The following ZNF140 variants were observed in gnomAD, a reference collection of about 807,000 sequenced individuals.
The protein encoded by ZNF140 is zinc finger protein 140, also known as zinc finger protein 140 (clone pHZ-39).
In ZNF140, 13 loss-of-function variants were observed where a neutral mutation model predicts 12.9. The observed-to-expected ratio is 1.01, with a 90% confidence interval of 0.66 to 1.60. The LOEUF is 1.60. Among genes scored for constraint, ZNF140 ranks in the 40% most tolerant of loss-of-function variants. ZNF140 has a pLI of 0.00. For synonymous variants in ZNF140, 214 were observed against 186.7 expected (o/e 1.15, Z -1.19); for missense variants, 531 against 548.8 (o/e 0.97, Z 0.32).
chr12:133,083,417 C>CT, intron 3 of ZNF140, 49 bp from the exon 4 acceptor site: 1 of 1,587,398 alleles, frequency 6.3e-7, no homozygotes, highest in East Asian at 2.2e-5. Flanking sequence ...TGTGGCCCCT[C>CT]TTAGGATTCA....
chr12:133,096,368 C>T (rs1383525054), intron 4 of ZNF140, among the ~76,000 whole-genome samples: 6 of 152,170 alleles, frequency 3.9e-5, no homozygotes, highest in Non-Finnish European at 5.9e-5. Flanking sequence ...TTAACAACAT[C>T]TCAGCAAAGC....
At chr12:133,104,120 T>C (rs1238699782) in intron 4 of ZNF140, among the ~76,000 whole-genome samples, 2 of 152,206 alleles carry the variant, frequency 1.3e-5, no homozygotes, top group Non-Finnish European at 2.9e-5. Context: ...CAACGTATGT[T>C]TGACTGAAAT....
chr12:133,090,460 ATTTCT>A (rs1425787839), intron 4 of ZNF140, among the ~76,000 whole-genome samples: 8 of 152,024 alleles, frequency 5.3e-5, no homozygotes, highest in Admixed American at 1.3e-4. Flanking sequence ...TCTGATTTTT[ATTTCT>A]TTTCTTCTTC....
At chr12:133,092,959 T>C (rs1244469453) in intron 4 of ZNF140, among the ~76,000 whole-genome samples, 2 of 151,176 alleles carry the variant, frequency 1.3e-5, no homozygotes, top group South Asian at 2.1e-4. Context: ...ATTTTAATGA[T>C]CTTTGATAGG....
At chr12:133,090,940 C>T (rs888612701) in intron 4 of ZNF140, among the ~76,000 whole-genome samples, 1 of 145,594 alleles carries the variant, frequency 6.9e-6, no homozygotes, top group Non-Finnish European at 1.5e-5. Flanking sequence ...AAACATATCT[C>T]GCCTCCCACC....
At chr12:133,095,835 G>C (rs1211275512) in intron 4 of ZNF140, among the ~76,000 whole-genome samples, 5 of 151,966 alleles carry the variant, frequency 3.3e-5, no homozygotes, top group Non-Finnish European at 7.4e-5. Flanking sequence ...CATCTCAGCG[G>C]AGTAAAGAAT....
intron 4 of ZNF140, among the ~76,000 whole-genome samples, chr12:133,090,936 A>C (rs142773158): frequency 7.0e-6 from 1 of 142,428 alleles, no homozygotes; most frequent in Non-Finnish European, 1.6e-5. Flanking sequence ...CTGCAAACAT[A>C]TCTCGCCTCC....
At chr12:133,095,572 C>G (rs1042490191) in intron 4 of ZNF140, among the ~76,000 whole-genome samples, 22 of 151,650 alleles carry the variant, frequency 1.5e-4, no homozygotes, top group Non-Finnish European at 2.8e-4. Flanking sequence ...TATAGAGAAA[C>G]AACAGTGGGC....
Position 133,081,317 on chromosome 12 carries a change from AG to A in ZNF140, c.-3del, listed in dbSNP as rs1407760775. 1.7e-5 allele frequency: 26 copies of A among 1,500,794 alleles called. No individual in the cohort carries two copies. In the East Asian group the frequency reaches 4.0e-4, roughly 23 times the overall value. 93.0% of individuals were successfully genotyped at this position (1,500,794 alleles called of 1,614,324 possible). A position where few individuals can be genotyped will look rare whatever the true frequency, so the allele number is the denominator to read the frequency against. On this transcript the variant is annotated 5_prime_UTR_variant, in exon 2 of 5. Transcript: ENST00000355557. ...TCTGATCTCCTCCTTCCCTTCTGTGAGCTATGTCTCAGGTAAGCTAATGATT... is the reference window on the plus strand; with the variant it reads ...TCTGATCTCCTCCTTCCCTTCTGTGACTATGTCTCAGGTAAGCTAATGATT...
At chr12:133,088,710 A>G (rs1954762412) in intron 4 of ZNF140, among the ~76,000 whole-genome samples, 1 of 152,230 alleles carries the variant, frequency 6.6e-6, no homozygotes, top group Admixed American at 6.5e-5. Flanking sequence ...ACCATTTTGC[A>G]TTCCCGTCAG....
At chr12:133,088,430 G>A (rs1954752942) in intron 4 of ZNF140, among the ~76,000 whole-genome samples, 1 of 152,122 alleles carries the variant, frequency 6.6e-6, no homozygotes, top group African/African-American at 2.4e-5. Context: ...GTCTTTTCAT[G>A]GCTTGATAGC....
intron 4 of ZNF140, among the ~76,000 whole-genome samples, chr12:133,095,814 C>G (rs908401532): frequency 5.3e-5 from 8 of 151,948 alleles, no homozygotes; most frequent in East Asian, 1.9e-4. Flanking sequence ...TTATGTTTCT[C>G]TCCACCCAAA....
chr12:133,087,538 G>A (rs61953759), intron 4 of ZNF140, among the ~76,000 whole-genome samples: 8,936 of 136,624 alleles, frequency 0.065, 377 homozygotes, highest in Non-Finnish European at 0.086. Flanking sequence ...AAAAAAAAGC[G>A]GGAGTGGAGG....
At chr12:133,086,760 A>G (rs1034557800) in intron 4 of ZNF140, among the ~76,000 whole-genome samples, 1 of 152,184 alleles carries the variant, frequency 6.6e-6, no homozygotes, top group Non-Finnish European at 1.5e-5. Flanking sequence ...TTTCTTTTAA[A>G]AAAGCCTACT....
intron 4 of ZNF140, among the ~76,000 whole-genome samples, chr12:133,101,838 A>G (rs1487433687): frequency 6.6e-6 from 1 of 152,166 alleles, no homozygotes; most frequent in Non-Finnish European, 1.5e-5. Context: ...TGCATCTTGT[A>G]TACTTTTTCC....
At chr12:133,089,488 G>C (rs921751733) in intron 4 of ZNF140, among the ~76,000 whole-genome samples, 3 of 152,038 alleles carry the variant, frequency 2.0e-5, no homozygotes, top group South Asian at 2.1e-4. Context: ...TGCTAGGATT[G>C]TAAGTGTGAG....
chr12:133,087,374 T>G (rs2137499082), intron 4 of ZNF140, among the ~76,000 whole-genome samples: 1 of 152,158 alleles, frequency 6.6e-6, no homozygotes, highest in East Asian at 1.9e-4. Context: ...TGGGTCTCTG[T>G]GGGATACGAA....
intron 4 of ZNF140, among the ~76,000 whole-genome samples, chr12:133,092,561 G>A (rs1296275412): frequency 6.6e-6 from 1 of 151,170 alleles, no homozygotes; most frequent in Non-Finnish European, 1.5e-5. Flanking sequence ...AATGTGGTAG[G>A]AGACCACAGT....
At chr12:133,102,156 T>C (rs1050115257) in intron 4 of ZNF140, among the ~76,000 whole-genome samples, 4 of 152,134 alleles carry the variant, frequency 2.6e-5, no homozygotes, top group Non-Finnish European at 5.9e-5. Flanking sequence ...TTTTTCCACC[T>C]TATGTGGGAT....
Sources: gnomAD v4.1 joint callset for allele counts (sites outside exome capture counted in the v4.1 genomes callset) on GRCh38, gnomAD v4.1.1 for gene constraint, MANE v1.5 for transcripts, NCBI Gene and HGNC (gene_info 2026-07-23, HGNC 2026-07-21) for gene names.